The following F5 variants were observed in gnomAD, a reference collection of about 807,000 sequenced individuals.
The protein encoded by F5 is activated protein c cofactor.
A neutral mutation model predicts 216.4 loss-of-function variants in F5; 138 were observed. That is an observed-to-expected ratio of 0.64 (90% CI 0.56 to 0.73). F5 has a LOEUF of 0.73. Ranked by LOEUF, F5 falls within the 30% of genes least tolerant of loss-of-function variation. F5 has a pLI of 0.00. For synonymous variants in F5, 916 were observed against 930.7 expected (o/e 0.98, Z 0.29); for missense variants, 2,403 against 2,674.0 (o/e 0.90, Z 2.24).
chr1:169,575,431 A>T (rs567729812), intron 2 of F5, among the ~76,000 whole-genome samples: 65 of 152,240 alleles, frequency 4.3e-4, no homozygotes, highest in African/African-American at 1.5e-3. Flanking sequence ...GGAAGCCATT[A>T]AAGAGTTTTC....
At chr1:169,572,952 C>CT (rs373033360) in intron 2 of F5, among the ~76,000 whole-genome samples, 11,207 of 89,472 alleles carry the variant, frequency 0.13, 461 homozygotes, top group Middle Eastern at 0.18. Context: ...GAGCATTTTT[C>CT]TTTTTTTTTT....
At chr1:169,548,084 G>A (rs1007190560) in intron 10 of F5, among the ~76,000 whole-genome samples, 9 of 152,092 alleles carry the variant, frequency 5.9e-5, no homozygotes, top group Non-Finnish European at 1.3e-4. Context: ...GCAAGTTAAC[G>A]CAAGAACAGA....
intron 13 of F5, among the ~76,000 whole-genome samples, chr1:169,539,398 C>A (rs1251981828): frequency 2.6e-5 from 4 of 152,156 alleles, no homozygotes; most frequent in African/African-American, 9.7e-5. Context: ...GTGGTTCCAT[C>A]CCTATTCACT....
intron 23 of F5, 123 bp from the exon 24 acceptor site, chr1:169,515,749 T>C (rs910822576): frequency 1.1e-6 from 1 of 920,564 alleles, no homozygotes; most frequent in Admixed American, 2.1e-5. Flanking sequence ...TCCCTTAGGA[T>C]TCACAGTCTC....
Position 169,530,988 on chromosome 1 carries a change from G to A in F5, c.5006C>T (p.Ser1669Phe), listed in dbSNP as rs1176241932. 4 of 1,613,460 alleles carry A rather than the reference G, an allele frequency of 2.5e-6. No individual in the cohort carries two copies. The highest frequency in any genetic ancestry group is 3.4e-6 in the Non-Finnish European group (4 of 1,179,772). ...RFKNLASRPY[S>F]LHAHGLSYEK... Reference sequence around the variant, plus strand: ...ATAGGAAAGTCCATGGGCATGTAGAGAATACGGTCTGGATGCTAAATTTTT... The same window carrying A: ...ATAGGAAAGTCCATGGGCATGTAGAAAATACGGTCTGGATGCTAAATTTTT... Residue 1669 changes from serine to phenylalanine, a missense_variant, in exon 15 of 25, where the codon TCT becomes TTT. By Grantham distance (155) the Ser-to-Phe change is radical. Coordinates refer to ENST00000367797, the MANE Select transcript of F5 (RefSeq NM_000130.5).
intron 8 of F5, among the ~76,000 whole-genome samples, 190 bp from the exon 9 acceptor site, chr1:169,550,929 G>A (rs552836355): frequency 6.6e-6 from 1 of 152,154 alleles, no homozygotes; most frequent in Non-Finnish European, 1.5e-5. Context: ...TGGAGAGAGT[G>A]TTTCACTCAC....
At chr1:169,517,719 T>G (rs1222152337) in intron 23 of F5, among the ~76,000 whole-genome samples, 1 of 152,192 alleles carries the variant, frequency 6.6e-6, no homozygotes, top group Admixed American at 6.5e-5. Context: ...TTGTTTAACT[T>G]AGATCACTGA....
At chr1:169,560,064 T>C (rs1055852208) in intron 4 of F5, among the ~76,000 whole-genome samples, 2 of 152,150 alleles carry the variant, frequency 1.3e-5, no homozygotes, top group Admixed American at 6.5e-5. Context: ...GTAAAGTCAC[T>C]TGAGTGTGTT....
chr1:169,567,506 G>T (rs751783020), intron 3 of F5, among the ~76,000 whole-genome samples: 1 of 151,226 alleles, frequency 6.6e-6, no homozygotes, highest in African/African-American at 2.4e-5. Flanking sequence ...TATTCCAAAG[G>T]CGATGAAAGT....
Position 169,555,314 on chromosome 1 carries a change from C to T in F5, c.986G>A (p.Cys329Tyr), listed in dbSNP as rs574459300. 1.2e-6 allele frequency: 2 copies of T among 1,614,028 alleles called. No individual in the cohort carries two copies. Among genetic ancestry groups the T allele is most frequent in the South Asian group, 2.2e-5 (2 of 91,082 alleles). ...CTTAAGATTCCTGGTTTTCTTTGGG[C>T]AGTTTTTAATGTCAATGTAAGCCTG... ...GMQAYIDIKN[C>Y]PKKTRNLKKI... The change falls in exon 7 of 25, where the codon TGC becomes TAC. Residue 329 changes from cysteine to tyrosine, a missense_variant. Cys to Tyr is a radical substitution (Grantham distance 194). Coordinates refer to ENST00000367797, the MANE Select transcript of F5 (RefSeq NM_000130.5).
chr1:169,576,597 G>A (rs9332510), intron 2 of F5, among the ~76,000 whole-genome samples: 37,117 of 151,786 alleles, frequency 0.24, 5,291 homozygotes, highest in South Asian at 0.36. Context: ...GCAGGCTCAG[G>A]CCCCCATCTT....
At chr1:169,524,530 G>A (rs1029669023) in intron 19 of F5, among the ~76,000 whole-genome samples, 1 of 152,224 alleles carries the variant, frequency 6.6e-6, no homozygotes, top group East Asian at 1.9e-4. Context: ...GAGAGGCTGG[G>A]CTTTTTATGT....
At chr1:169,540,231 A>C in intron 13 of F5, 63 bp downstream of exon 13, 27 of 1,515,080 alleles carry the variant, frequency 1.8e-5, no homozygotes, top group Non-Finnish European at 2.4e-5. Flanking sequence ...CCTGAATTGT[A>C]GTAGCTACTT....
At chr1:169,539,483 T>C (rs907750332) in intron 13 of F5, among the ~76,000 whole-genome samples, 1 of 152,174 alleles carries the variant, frequency 6.6e-6, no homozygotes, top group African/African-American at 2.4e-5. Context: ...TCTCATGTGG[T>C]ATTGAGTGCA....
In F5 at chr1:169,514,027, T is replaced by C. The variant is rs908042169; in HGVS notation, c.*286A>G. On this transcript the variant is annotated 3_prime_UTR_variant, in exon 25 of 25. Transcript: ENST00000367797. Reference sequence around the variant, plus strand: ...AGCATTTTAACTACATAAATATTACTTCATAGCATTTTCAATCATTAAGAA... The same window carrying C: ...AGCATTTTAACTACATAAATATTACCTCATAGCATTTTCAATCATTAAGAA... 1.6e-5 allele frequency: 6 copies of C among 377,270 alleles called. No homozygotes were observed. The highest frequency in any genetic ancestry group is 3.3e-5 in the South Asian group (1 of 30,130). 23.4% of individuals were successfully genotyped at this position (377,270 alleles called of 1,614,324 possible). A position where few individuals can be genotyped will look rare whatever the true frequency, so the allele number is the denominator to read the frequency against.
chr1:169,559,187 G>A lies in F5; in HGVS notation c.696C>T (p.Tyr232=). The change falls in exon 5 of 25, where the codon TAC becomes TAT. Residue 232 remains tyrosine (Y), a synonymous_variant. Coordinates refer to ENST00000367797, the MANE Select transcript of F5 (RefSeq NM_000130.5). ...TCCCATTCACATATCCATTGACTGT[G>A]TACATTAGGGATGATGACTGGCTCC... is the stretch of plus-strand genomic sequence containing the variant. ...KSWSQSSSLM[Y]TVNGYVNGTM... is the part of the protein sequence containing the mutation. 2 of 1,613,730 alleles carry A rather than the reference G, an allele frequency of 1.2e-6. No homozygotes were observed. Among genetic ancestry groups the A allele is most frequent in the Non-Finnish European group, 1.7e-6 (2 of 1,179,758 alleles).
chr1:169,538,338 G>GA (rs1298083582), intron 13 of F5, among the ~76,000 whole-genome samples: 2 of 152,124 alleles, frequency 1.3e-5, no homozygotes, highest in African/African-American at 4.8e-5. Context: ...TACAGAGGTG[G>GA]AGCATTGAGA....
chr1:169,538,018 T>C (rs1436953080), intron 13 of F5, among the ~76,000 whole-genome samples: 2 of 152,138 alleles, frequency 1.3e-5, no homozygotes, highest in African/African-American at 4.8e-5. Flanking sequence ...TGAAGAGATA[T>C]CTGCTGTCCC....
chr1:169,526,193 C>T (rs992984541), intron 17 of F5, among the ~76,000 whole-genome samples, 176 bp from the exon 18 acceptor site: 1 of 152,030 alleles, frequency 6.6e-6, no homozygotes, highest in Non-Finnish European at 1.5e-5. Context: ...AATAACAACA[C>T]ATACACAGAG....
Sources: allele counts gnomAD v4.1 joint callset (sites outside exome capture counted in the v4.1 genomes callset), GRCh38; gene constraint gnomAD v4.1.1; transcripts MANE v1.5; gene names NCBI Gene and HGNC (gene_info 2026-07-23, HGNC 2026-07-21).